Variants in ESRRB observed in about 807,000 individuals in gnomAD.
ESRRB encodes estrogen related receptor beta, also known as steroid hormone receptor ERR2.
A neutral mutation model predicts 46.0 loss-of-function variants in ESRRB; 16 were observed. That is an observed-to-expected ratio of 0.35 (90% CI 0.24 to 0.53). The LOEUF (loss-of-function observed/expected upper bound fraction) is 0.53. ESRRB is among the 20% of genes least tolerant of loss of function. The probability of loss-of-function intolerance (pLI) is 0.93; values close to 1 mark genes in which losing one functional copy is unlikely to be tolerated. For missense variants in ESRRB, 488 were observed against 607.4 expected, an observed-to-expected ratio of 0.80 and a Z score of 2.07; for synonymous variants, 246 against 259.6, an observed-to-expected ratio of 0.95 and a Z score of 0.50.
At chr14:76,478,860 G>A (rs1412748323) in intron 3 of ESRRB, among the ~76,000 whole-genome samples, 1 of 152,070 alleles carries the variant, frequency 6.6e-6, no homozygotes, top group Non-Finnish European at 1.5e-5. Context: ...GTTTGTGTCT[G>A]CTCCTTATGC....
chr14:76,461,630 T>C (rs964523411), intron 2 of ESRRB, among the ~76,000 whole-genome samples: 1 of 152,188 alleles, frequency 6.6e-6, no homozygotes, highest in African/African-American at 2.4e-5. Context: ...TATCTCAGCC[T>C]CCCGAGTAGC....
intron 2 of ESRRB, among the ~76,000 whole-genome samples, chr14:76,440,518 G>T (rs1887874093): frequency 6.6e-6 from 1 of 151,916 alleles, no homozygotes; most frequent in African/African-American, 2.4e-5. Context: ...ATCCTGTCTG[G>T]ATCCCAGTTT....
At chr14:76,312,323 TTA>T (rs1482461686) in intron 1 of ESRRB, among the ~76,000 whole-genome samples, 2 of 152,186 alleles carry the variant, frequency 1.3e-5, no homozygotes, top group African/African-American at 4.8e-5. Context: ...GATATCATTT[TTA>T]TTTTGACTGT....
chr14:76,484,848 T>G (rs974148392), intron 5 of ESRRB, among the ~76,000 whole-genome samples: 1 of 152,220 alleles, frequency 6.6e-6, no homozygotes, highest in Non-Finnish European at 1.5e-5. Flanking sequence ...TTTTCGGAGC[T>G]TCAGTGTCCT....
intron 1 of ESRRB, among the ~76,000 whole-genome samples, chr14:76,359,020 A>T (rs1595054189): frequency 6.6e-6 from 1 of 152,250 alleles, no homozygotes; most frequent in African/African-American, 2.4e-5. Context: ...TGGAACCCAC[A>T]TTGAGAACCA....
chr14:76,417,819 TAGTCCC>T (rs1360348631), intron 1 of ESRRB, among the ~76,000 whole-genome samples: 2 of 151,824 alleles, frequency 1.3e-5, no homozygotes, highest in Non-Finnish European at 2.9e-5. Context: ...ATCACACAGG[TAGTCCC>T]TGGCCATAAG....
chr14:76,332,622 AATATATATTATATATATTTATATAT>A (rs1884033411), intron 1 of ESRRB, among the ~76,000 whole-genome samples: 1 of 38,512 alleles, frequency 2.6e-5, no homozygotes, highest in African/African-American at 1.4e-4. Flanking sequence ...ATATTATATA[AATATATATTATATATATTTATATAT>A]TATATAAATA....
At chr14:76,437,100 C>T (rs1034630532) in intron 1 of ESRRB, among the ~76,000 whole-genome samples, 11 of 152,122 alleles carry the variant, frequency 7.2e-5, no homozygotes, top group African/African-American at 2.2e-4. Flanking sequence ...AGCCCGATCT[C>T]GGCTCACTGC....
chr14:76,472,279 G>A (rs544612281), intron 3 of ESRRB, among the ~76,000 whole-genome samples: 2 of 152,300 alleles, frequency 1.3e-5, no homozygotes, highest in Admixed American at 6.5e-5. Context: ...ACACAGTTTT[G>A]TCAAAATGCC....
intron 1 of ESRRB, among the ~76,000 whole-genome samples, chr14:76,353,599 G>A (rs1428832263): frequency 2.0e-5 from 3 of 152,160 alleles, no homozygotes; most frequent in Admixed American, 1.3e-4. Context: ...GAAACTATAA[G>A]TACAGGAGAG....
intron 1 of ESRRB, among the ~76,000 whole-genome samples, chr14:76,383,729 G>A (rs2139805469): frequency 6.6e-6 from 1 of 152,230 alleles, no homozygotes; most frequent in Middle Eastern, 3.4e-3. Context: ...GAGGTGCTGA[G>A]CATGATTAGT....
chr14:76,439,325 C>A lies in ESRRB; in HGVS notation c.51-16C>A. 1 of 1,613,628 alleles carries A rather than the reference C, an allele frequency of 6.2e-7. No homozygotes were observed. Among genetic ancestry groups the A allele is most frequent in the South Asian group, 1.1e-5 (1 of 91,072 alleles). On this transcript the variant is annotated splice_polypyrimidine_tract_variant and intron_variant, in intron 1 of 6. Coordinates refer to ENST00000644823, the MANE Select transcript of ESRRB (RefSeq NM_001379180.1). ...CAGCACCTTGCTGGGGCTGACTTCC[C>A]GATTTGTGTCCACAGGCTGCTGAAC...
chr14:76,381,165 C>T (rs1170974753), intron 1 of ESRRB, among the ~76,000 whole-genome samples: 1 of 152,162 alleles, frequency 6.6e-6, no homozygotes, highest in African/African-American at 2.4e-5. Context: ...GGATTATATC[C>T]TTTTAGCCCC....
chr14:76,347,199 G>A (rs1295291639), intron 1 of ESRRB, among the ~76,000 whole-genome samples: 1 of 152,162 alleles, frequency 6.6e-6, no homozygotes. Flanking sequence ...GCTGAAGGAG[G>A]AGTCCAGACC....
chr14:76,405,219 A>T (rs896540784), intron 1 of ESRRB, among the ~76,000 whole-genome samples: 3 of 152,098 alleles, frequency 2.0e-5, no homozygotes, highest in African/African-American at 7.2e-5. Context: ...CTCCCACCTC[A>T]GCCTCCCAAG....
At chr14:76,489,479 A>ACACACACACACACACC (rs1414646049) in intron 5 of ESRRB, among the ~76,000 whole-genome samples, 6 of 150,130 alleles carry the variant, frequency 4.0e-5, no homozygotes, top group East Asian at 2.0e-4. Flanking sequence ...ACACACACAC[A>ACACACACACACACACC]CCCTGATCCC....
chr14:76,447,723 C>A (rs567249832), intron 2 of ESRRB, among the ~76,000 whole-genome samples: 56 of 152,112 alleles, frequency 3.7e-4, no homozygotes, highest in Non-Finnish European at 7.2e-4. Context: ...CGCCCACCCC[C>A]CTACCACCCC....
intron 1 of ESRRB, among the ~76,000 whole-genome samples, chr14:76,319,904 A>G (rs186079259): frequency 3.7e-4 from 56 of 152,314 alleles, no homozygotes; most frequent in African/African-American, 1.1e-3. Flanking sequence ...TAGAGACACG[A>G]TGATACCATT....
chr14:76,347,333 C>T (rs1884262924), intron 1 of ESRRB, among the ~76,000 whole-genome samples: 2 of 152,204 alleles, frequency 1.3e-5, no homozygotes, highest in South Asian at 4.2e-4. Flanking sequence ...TCTCTTAGTA[C>T]TTATGCAATC....
Sources: gnomAD v4.1 joint callset for allele counts (sites outside exome capture counted in the v4.1 genomes callset) on GRCh38, gnomAD v4.1.1 for gene constraint, MANE v1.5 for transcripts, NCBI Gene and HGNC (gene_info 2026-07-23, HGNC 2026-07-21) for gene names.